The following FLACC1 variants were observed in gnomAD, a reference collection of about 807,000 sequenced individuals.
FLACC1 encodes flagellum-associated coiled-coil domain-containing protein 1.
In FLACC1, 66 loss-of-function variants were observed where a neutral mutation model predicts 62.8. The ratio of observed to expected loss-of-function variants is 1.05; its 90% CI spans 0.86 to 1.29. FLACC1 has a LOEUF of 1.29. FLACC1 is among the 50% of genes most tolerant of loss of function. The pLI is 0.00. For missense variants in FLACC1, 452 were observed against 489.1 expected (o/e 0.92, Z 0.71); for synonymous variants, 156 against 161.0 (o/e 0.97, Z 0.24).
At position 201,346,021 on chromosome 2, in the gene FLACC1, C is replaced by T. The variant is rs1385387922; in HGVS notation, c.368+521G>A. ...CTCTACTAAAGCTATAAATATTAGC[C>T]GGGCGTCATGGTGCAAGCCTGTAAT... On this transcript the variant is annotated intron_variant, in intron 5 of 14. Coordinates refer to ENST00000392257, the MANE Select transcript of FLACC1 (RefSeq NM_001127391.3). The surrounding 1 kb of genome is among the most constrained non-coding windows in gnomAD (Gnocchi z 4.0). Among the ~76,000 whole-genome samples the T allele has an allele frequency of 6.6e-6, 1 of 152,032 alleles. No homozygotes were observed. Among genetic ancestry groups the T allele is most frequent in the Non-Finnish European group, 1.5e-5 (1 of 68,006 alleles).
chr2:201,296,438 T>C lies in FLACC1; in HGVS notation c.942+2800A>G, dbSNP rs1425704756. Among the ~76,000 whole-genome samples, 7 of 143,020 alleles carry C rather than the reference T, an allele frequency of 4.9e-5. No homozygotes were observed. The East Asian group carries it at 1.2e-3, about 25-fold the overall frequency. The allele number at this position is 143,020 out of a possible 152,430, so 93.8% of individuals were successfully genotyped here. On this transcript the variant is annotated intron_variant, in intron 12 of 14. Coordinates refer to ENST00000392257, the MANE Select transcript of FLACC1 (RefSeq NM_001127391.3). ...CAAAAAACCAAACACCACATGTTCT[T>C]GCTCAGAGGTGGGAATTGAACAATG...
upstream of FLACC1, among the ~76,000 whole-genome samples, chr2:201,357,940 T>G (rs570683507): frequency 6.6e-6 from 1 of 152,330 alleles, no homozygotes; most frequent in East Asian, 1.9e-4. Flanking sequence ...ATAAAAAAAT[T>G]TCATGAAATA....
In FLACC1 at chr2:201,291,744, T is replaced by C. The variant is rs191786716; in HGVS notation, c.943-1959A>G. Among the ~76,000 whole-genome samples, 373 of 152,178 alleles carry C rather than the reference T, an allele frequency of 2.5e-3. 3 individuals carry two copies. In the South Asian group the frequency reaches 0.029, roughly 12 times the overall value. ...AACTACTCCGAGCTAAAGGAGAAAGTTCGAACTCATGGCCAAGAAGTTAAA... is the reference window on the plus strand; with the variant it reads ...AACTACTCCGAGCTAAAGGAGAAAGCTCGAACTCATGGCCAAGAAGTTAAA... On this transcript the variant is annotated intron_variant, in intron 12 of 14. Transcript: ENST00000392257.
Position 201,350,786 on chromosome 2 carries a change from A to C in FLACC1, c.114-4T>G, listed in dbSNP as rs1951013087. The stretch of plus-strand genomic sequence containing the variant: ...AGCTGGTACAAGAGGAGTTAGCCTG[A>C]AAGTGAAAAACAAATAACTAAAACA... On this transcript the variant is annotated splice_polypyrimidine_tract_variant and splice_region_variant and intron_variant, in intron 2 of 14. Coordinates refer to ENST00000392257, the MANE Select transcript of FLACC1 (RefSeq NM_001127391.3). The C allele has an allele frequency of 6.2e-7, 1 of 1,608,854 alleles. No individual in the cohort carries two copies. Among genetic ancestry groups the C allele is most frequent in the Non-Finnish European group, 8.5e-7 (1 of 1,175,646 alleles).
intron 7 of FLACC1, among the ~76,000 whole-genome samples, chr2:201,333,815 T>G (rs1357011493): frequency 6.6e-6 from 1 of 152,168 alleles, no homozygotes; most frequent in Non-Finnish European, 1.5e-5. Flanking sequence ...AGTTGGACAT[T>G]TGGGTTGGTT....
chr2:201,344,224 C>T lies in FLACC1; in HGVS notation c.408G>A (p.Glu136=). The part of the protein sequence containing the change: ...IISDLEEQIS[E]LTAIIEQMNR... ...TCATTTGTTCAATTATTGCTGTCAG[C>T]TCTGAGATTTGCTCTTCTAGGTCAG... Residue 136 remains glutamate (E), a synonymous_variant, in exon 6 of 15, where the codon GAG becomes GAA. Coordinates refer to ENST00000392257, the MANE Select transcript of FLACC1 (RefSeq NM_001127391.3). 1 of 1,614,012 alleles carries T rather than the reference C, an allele frequency of 6.2e-7. No homozygotes were observed. The highest frequency in any genetic ancestry group is 8.5e-7 in the Non-Finnish European group (1 of 1,179,940).
intron 9 of FLACC1, 43 bp downstream of exon 9, chr2:201,330,427 G>A: frequency 6.5e-7 from 1 of 1,546,924 alleles, no homozygotes; most frequent in Non-Finnish European, 8.9e-7. Flanking sequence ...CCAGGAATGA[G>A]CCTTCCTTCT....
chr2:201,309,209 C>CTGTTTTGACCA lies in FLACC1; in HGVS notation c.706_716dup (p.Gln239HisfsTer28), dbSNP rs780054385. The CTGTTTTGACCA allele has an allele frequency of 6.3e-5, 101 of 1,614,122 alleles. 1 individual carries two copies. The African/African-American group carries it at 1.2e-3, about 20-fold the overall frequency. ...TCTCATCCTTCTTCCATTTCGCCTTCTGTTTTGACCACTTCTCTTCCATTT... is the reference window on the plus strand; with the variant it reads ...TCTCATCCTTCTTCCATTTCGCCTTCTGTTTTGACCATGTTTTGACCACTTCTCTTCCATTT... On this transcript the variant is annotated frameshift_variant, in exon 10 of 15. Transcript: ENST00000392257. LOFTEE classifies it high-confidence loss of function.
intron 11 of FLACC1, among the ~76,000 whole-genome samples, chr2:201,301,843 T>C (rs913557132): frequency 2.0e-5 from 3 of 152,298 alleles, no homozygotes; most frequent in Admixed American, 1.3e-4. Flanking sequence ...CTAAGCTTCA[T>C]AAGTGAAGGA....
At chr2:201,317,057 T>C (rs1950320449) in intron 9 of FLACC1, among the ~76,000 whole-genome samples, 1 of 152,160 alleles carries the variant, frequency 6.6e-6, no homozygotes, top group South Asian at 2.1e-4. Flanking sequence ...CTCAATGTAA[T>C]AAAAGCCATC....
At chr2:201,330,416 G>T in intron 9 of FLACC1, 54 bp downstream of exon 9, 1 of 1,499,360 alleles carries the variant, frequency 6.7e-7, no homozygotes, top group Non-Finnish European at 9.2e-7. Context: ...CCCAATGTTA[G>T]CCAGGAATGA....
chr2:201,312,570 T>A (rs895956498), intron 9 of FLACC1, among the ~76,000 whole-genome samples: 3 of 152,158 alleles, frequency 2.0e-5, no homozygotes, highest in Admixed American at 6.5e-5. Flanking sequence ...AAAAAAATTA[T>A]TGTAAAATTC....
intron 11 of FLACC1, among the ~76,000 whole-genome samples, chr2:201,299,709 A>G (rs935067585): frequency 2.0e-5 from 3 of 152,224 alleles, no homozygotes; most frequent in Admixed American, 6.5e-5. Flanking sequence ...GCATGTGGAA[A>G]GGCAAAATAA....
chr2:201,362,889 G>A, the FLACC1 span, among the ~76,000 whole-genome samples: 2 of 152,292 alleles, frequency 1.3e-5, no homozygotes, highest in African/African-American at 2.4e-5. Flanking sequence ...AAGAGCCTCA[G>A]TAGTAGGTGC....
At chr2:201,309,360 C>A in intron 9 of FLACC1, 110 bp from the exon 10 acceptor site, 1 of 772,118 alleles carries the variant, frequency 1.3e-6, no homozygotes, top group Non-Finnish European at 2.2e-6. Flanking sequence ...GCACAGTGGC[C>A]AGGGCCCATC....
At chr2:201,354,258 A>G (rs1014129271) in intron 1 of FLACC1, among the ~76,000 whole-genome samples, 1 of 152,196 alleles carries the variant, frequency 6.6e-6, no homozygotes, top group Non-Finnish European at 1.5e-5. Context: ...GTCCTGTGCT[A>G]GATGCTGGTT....
At chr2:201,330,933 G>A (rs1426291378) in intron 7 of FLACC1, 100 bp from the exon 8 acceptor site, 1 of 739,794 alleles carries the variant, frequency 1.4e-6, no homozygotes, top group Non-Finnish European at 2.0e-6. Flanking sequence ...CCCACAGGAA[G>A]TGAGGTTCTC....
intron 11 of FLACC1, among the ~76,000 whole-genome samples, chr2:201,303,178 G>A (rs1014942928): frequency 2.6e-4 from 39 of 151,850 alleles, no homozygotes; most frequent in African/African-American, 8.2e-4. Context: ...TTGATAGACC[G>A]CTAGCAAGAC....
intron 7 of FLACC1, among the ~76,000 whole-genome samples, chr2:201,337,217 G>A (rs144085151): frequency 3.6e-4 from 55 of 152,222 alleles, no homozygotes; most frequent in African/African-American, 1.2e-3. Flanking sequence ...TGCCTAGACC[G>A]ATGTCCTGAA....
Sources: allele counts gnomAD v4.1 joint callset (sites outside exome capture counted in the v4.1 genomes callset), GRCh38; gene constraint gnomAD v4.1.1; non-coding constraint Gnocchi (gnomAD v3.1); transcripts MANE v1.5; gene names NCBI Gene and HGNC (gene_info 2026-07-23, HGNC 2026-07-21).